The following PHKA1 variants were observed in gnomAD, a reference collection of about 807,000 sequenced individuals.
PHKA1 encodes phosphorylase b kinase regulatory subunit alpha, skeletal muscle isoform.
In PHKA1, 60 loss-of-function variants were observed where a neutral mutation model predicts 110.2. The observed-to-expected ratio is 0.54, with a 90% confidence interval of 0.44 to 0.68. The LOEUF is 0.68. Ranked by LOEUF, PHKA1 falls within the 30% of genes least tolerant of loss-of-function variation. PHKA1 has a pLI of 0.00. For missense variants in PHKA1, 801 were observed against 942.5 expected, an observed-to-expected ratio of 0.85 and a Z score of 1.97; for synonymous variants, 316 against 333.6, an observed-to-expected ratio of 0.95 and a Z score of 0.58.
At chrX:72,708,073 TAGA>T (rs1396184177) in intron 2 of PHKA1, among the ~76,000 whole-genome samples, 26 of 111,012 alleles carry the variant, frequency 2.3e-4, no homozygotes, top group Middle Eastern at 9.3e-3. Flanking sequence ...AATAGGCAGG[TAGA>T]AGAAGAAGCC....
intron 3 of PHKA1, among the ~76,000 whole-genome samples, chrX:72,700,013 C>T (rs1473498285): frequency 2.7e-5 from 3 of 111,912 alleles, no homozygotes; most frequent in African/African-American, 9.7e-5. Flanking sequence ...GTCAGATTAA[C>T]AGGTTTTTCT....
chrX:72,631,778 T>C (rs1162342782), intron 16 of PHKA1, among the ~76,000 whole-genome samples: 1 of 111,160 alleles, frequency 9.0e-6, no homozygotes, highest in Admixed American at 9.6e-5. Context: ...TTTATATATG[T>C]CAAGGATTTT....
At chrX:72,662,631 C>A (rs1556304676) in intron 8 of PHKA1, among the ~76,000 whole-genome samples, 1 of 111,775 alleles carries the variant, frequency 8.9e-6, no homozygotes, top group Non-Finnish European at 1.9e-5. Flanking sequence ...GTGCCTATGA[C>A]CTTGGCTAGA....
intron 5 of PHKA1, among the ~76,000 whole-genome samples, chrX:72,683,931 CAAAGA>C (rs2053939661): frequency 8.9e-6 from 1 of 111,845 alleles, no homozygotes; most frequent in Non-Finnish European, 1.9e-5. Flanking sequence ...CAATGAACAA[CAAAGA>C]AAAGTTGTCT....
intron 5 of PHKA1, among the ~76,000 whole-genome samples, chrX:72,678,431 G>A (rs1378526816): frequency 8.9e-6 from 1 of 112,379 alleles, no homozygotes; most frequent in Non-Finnish European, 1.9e-5. Context: ...GGTAAGCCAT[G>A]TTTAACCCAT....
chrX:72,586,140 G>A (rs189684688), intron 29 of PHKA1, among the ~76,000 whole-genome samples: 24 of 112,288 alleles, frequency 2.1e-4, no homozygotes, highest in Non-Finnish European at 3.8e-4. Context: ...CCTGACCCTC[G>A]TGTAGCTTAA....
intron 14 of PHKA1, among the ~76,000 whole-genome samples, chrX:72,640,872 AAAAT>A (rs782000677): frequency 9.0e-6 from 1 of 111,667 alleles, no homozygotes; most frequent in East Asian, 2.8e-4. Flanking sequence ...CACAGGCAAG[AAAAT>A]AATTATCTAA....
intron 28 of PHKA1, among the ~76,000 whole-genome samples, chrX:72,601,026 G>T (rs190495960): frequency 2.1e-4 from 23 of 111,364 alleles, no homozygotes; most frequent in African/African-American, 7.5e-4. Flanking sequence ...TTCTCAACTT[G>T]GAGATCTTGA....
intron 8 of PHKA1, among the ~76,000 whole-genome samples, chrX:72,662,670 G>T (rs1485515666): frequency 9.0e-6 from 1 of 111,542 alleles, no homozygotes; most frequent in Non-Finnish European, 1.9e-5. Flanking sequence ...TTCTCCTCAT[G>T]CATGTCTACA....
At position 72,579,152 on chromosome X, in the gene PHKA1, C is replaced by T. The variant is rs2052301490; in HGVS notation, c.*1850G>A. 8.9e-6 allele frequency: 1 copy of T among 111,951 alleles called. No individual in the cohort carries two copies. The highest frequency in any genetic ancestry group is 2.8e-4 in the East Asian group (1 of 3,599). 9.2% of individuals were successfully genotyped at this position (111,951 alleles called of 1,213,427 possible). ...GGTACACTTACAACCAGTGAAAAGA[C>T]AAATAGTTTCAGAACAGGTTGTAAA... On this transcript the variant is annotated 3_prime_UTR_variant, in exon 32 of 32. Coordinates refer to ENST00000373542, the MANE Select transcript of PHKA1 (RefSeq NM_002637.4).
intron 6 of PHKA1, among the ~76,000 whole-genome samples, chrX:72,674,871 TTA>T (rs1207627150): frequency 2.7e-5 from 3 of 111,049 alleles, no homozygotes; most frequent in Non-Finnish European, 5.7e-5. Flanking sequence ...GGATGTTTGG[TTA>T]TGTTGTTCAG....
intron 21 of PHKA1, among the ~76,000 whole-genome samples, chrX:72,616,492 C>T (rs781996471): frequency 8.9e-6 from 1 of 111,941 alleles, no homozygotes; most frequent in Admixed American, 9.4e-5. Context: ...ATTGGAGCAC[C>T]TAAGTATATA....
At chrX:72,620,638 C>T (rs1259625694) in intron 19 of PHKA1, 87 bp downstream of exon 19, 8 of 798,883 alleles carry the variant, frequency 1.0e-5, no homozygotes, top group Non-Finnish European at 1.5e-5. Flanking sequence ...AACTAAAGTT[C>T]CTGCTTACAT....
intron 6 of PHKA1, among the ~76,000 whole-genome samples, chrX:72,669,690 TC>T (rs2053661030): frequency 9.2e-6 from 1 of 108,985 alleles, no homozygotes; most frequent in Admixed American, 9.8e-5. Flanking sequence ...TTCATCCATG[TC>T]CCTACAAAGG....
intron 3 of PHKA1, among the ~76,000 whole-genome samples, chrX:72,704,447 T>C (rs1016481438): frequency 5.4e-5 from 6 of 111,651 alleles, no homozygotes; most frequent in Admixed American, 3.8e-4. Context: ...ATGGTGTATA[T>C]ATACCATACA....
intron 28 of PHKA1, among the ~76,000 whole-genome samples, chrX:72,593,882 A>G (rs144753131): frequency 2.7e-3 from 304 of 112,077 alleles, no homozygotes; most frequent in African/African-American, 9.4e-3. Flanking sequence ...TCTCTGTTAA[A>G]CTTCTAGCTC....
chrX:72,611,965 T>G (rs782179166), intron 21 of PHKA1, among the ~76,000 whole-genome samples: 82 of 111,988 alleles, frequency 7.3e-4, no homozygotes, highest in African/African-American at 2.4e-3. Flanking sequence ...ATCCAGCATT[T>G]CCACTACTAG....
chrX:72,582,237 T>G (rs1420693303), intron 31 of PHKA1, among the ~76,000 whole-genome samples, 161 bp downstream of exon 31: 1 of 111,207 alleles, frequency 9.0e-6, no homozygotes, highest in Non-Finnish European at 1.9e-5. Context: ...TGCGGCCTAC[T>G]TCTTTTGCAA....
chrX:72,630,109 G>A (rs781820532), intron 16 of PHKA1, among the ~76,000 whole-genome samples: 27 of 111,519 alleles, frequency 2.4e-4, no homozygotes, highest in South Asian at 1.9e-3. Flanking sequence ...AAACTTAGCC[G>A]GGCATGGTGG....
Sources: allele counts gnomAD v4.1 joint callset (sites outside exome capture counted in the v4.1 genomes callset), GRCh38; gene constraint gnomAD v4.1.1; transcripts MANE v1.5; gene names NCBI Gene and HGNC (gene_info 2026-07-23, HGNC 2026-07-21).